Variants in CFAP99 observed in about 807,000 individuals in gnomAD.
CFAP99 encodes the protein cilia and flagella associated protein 99.
A neutral mutation model predicts 82.7 loss-of-function variants in CFAP99; 84 were observed. The observed-to-expected ratio is 1.02, with a 90% confidence interval of 0.85 to 1.22. The LOEUF is 1.22. Ranked by LOEUF, CFAP99 falls within the 50% of genes most tolerant of loss-of-function variation. CFAP99 has a pLI of 0.00. For missense variants in CFAP99, 1,059 were observed against 983.5 expected (o/e 1.08, Z -1.03); for synonymous variants, 456 against 429.5 (o/e 1.06, Z -0.76).
intron 5 of CFAP99, 92 bp from the exon 6 acceptor site, chr4:2,445,039 C>T (rs769807966): frequency 8.3e-6 from 8 of 969,212 alleles, no homozygotes; most frequent in Admixed American, 4.3e-5. Flanking sequence ...TGGACCCAAT[C>T]GCTGCGGGAG....
chr4:2,431,192 C>T (rs1468257913), intron 2 of CFAP99, among the ~76,000 whole-genome samples: 1 of 150,518 alleles, frequency 6.6e-6, no homozygotes, highest in African/African-American at 2.4e-5. Flanking sequence ...CATGGTGAAA[C>T]CCCGTTTCTA....
intron 8 of CFAP99, chr4:2,450,234 A>C: frequency 1.7e-6 from 1 of 571,692 alleles, no homozygotes; most frequent in Non-Finnish European, 3.2e-6. Context: ...GAGGAAGCTC[A>C]CGGGAAAGCA....
At chr4:2,458,095 C>T (rs1345823830) in intron 11 of CFAP99, among the ~76,000 whole-genome samples, 1 of 152,224 alleles carries the variant, frequency 6.6e-6, no homozygotes, top group Non-Finnish European at 1.5e-5. Context: ...CGGCCTGAGG[C>T]GCCCAGCCGT....
rs541467784 is a variant in CFAP99, at chr4:2,462,456, A to G, written c.1675A>G (p.Lys559Glu). Reference sequence around the variant, plus strand: ...GTCGCCCGCCAGGTGGGAGGAAAAGAAGGCCCTTGCGGCGGCCCCGGCGGC... The same window carrying G: ...GTCGCCCGCCAGGTGGGAGGAAAAGGAGGCCCTTGCGGCGGCCCCGGCGGC... The change falls in exon 15 of 15, where the codon AAG becomes GAG. Residue 559 changes from lysine (K) to glutamate (E), a missense_variant. By Grantham distance (56) the Lys-to-Glu change is moderately conservative. Coordinates refer to ENST00000635017, the Ensembl canonical transcript of CFAP99. The surrounding 1 kb of genome is among the most constrained non-coding windows in gnomAD (Gnocchi z 4.1). 5.5e-5 allele frequency: 81 copies of G among 1,461,894 alleles called. No homozygotes were observed. Among genetic ancestry groups the G allele is most frequent in the Middle Eastern group, 4.8e-4 (2 of 4,130 alleles). The allele number at this position is 1,461,894 out of a possible 1,614,324, so 90.6% of individuals were successfully genotyped here. A position where few individuals can be genotyped will look rare whatever the true frequency, so the allele number is the denominator to read the frequency against.
chr4:2,445,525 C>T (rs1734145355), intron 6 of CFAP99, among the ~76,000 whole-genome samples: 2 of 152,176 alleles, frequency 1.3e-5, no homozygotes. Flanking sequence ...TTCCCACACT[C>T]TACCCACTGT....
chr4:2,426,129 G>A (rs1320360890), intron 1 of CFAP99, among the ~76,000 whole-genome samples: 1 of 152,212 alleles, frequency 6.6e-6, no homozygotes, highest in African/African-American at 2.4e-5. Context: ...AGGCATGGCT[G>A]TGGGGCCTGA....
At chr4:2,421,058 A>G (rs1335769265) in intron 1 of CFAP99, among the ~76,000 whole-genome samples, 3 of 152,212 alleles carry the variant, frequency 2.0e-5, no homozygotes, top group East Asian at 1.9e-4. Context: ...TTGGGAGGAA[A>G]GGGGTAGTGG....
chr4:2,447,008 A>G (rs559869192), intron 6 of CFAP99, among the ~76,000 whole-genome samples: 2 of 151,980 alleles, frequency 1.3e-5, no homozygotes, highest in African/African-American at 2.4e-5. Context: ...GGGCGAATGA[A>G]TGGATGGATG....
chr4:2,459,061 GC>G (rs1560390752), intron 12 of CFAP99, 45 bp from the exon 13 acceptor site: 1 of 1,475,440 alleles, frequency 6.8e-7, no homozygotes, highest in Non-Finnish European at 9.0e-7. Context: ...TCCAGCCCCT[GC>G]CCTGCCACCC....
chr4:2,460,972 C>T (rs1332138126), intron 14 of CFAP99, among the ~76,000 whole-genome samples: 2 of 152,186 alleles, frequency 1.3e-5, no homozygotes, highest in East Asian at 1.9e-4. Context: ...CTCCTGACCT[C>T]GTGATCTGCC....
intron 11 of CFAP99, among the ~76,000 whole-genome samples, chr4:2,452,957 G>A (rs1678760828): frequency 6.6e-6 from 1 of 152,086 alleles, no homozygotes; most frequent in East Asian, 1.9e-4. Context: ...CACCTACTCG[G>A]GAGGCTGAGG....
At chr4:2,462,949 C>A (rs1401841655), downstream of CFAP99, 2 of 1,233,252 alleles carry the variant, frequency 1.6e-6, no homozygotes, top group Non-Finnish European at 2.0e-6. The surrounding 1 kb of genome is among the most constrained non-coding windows in gnomAD (Gnocchi z 4.1). Context: ...GCGCCCCACC[C>A]GCTTGCGGGC....
At chr4:2,421,349 C>CTT (rs1733579777) in intron 1 of CFAP99, among the ~76,000 whole-genome samples, 5 of 91,442 alleles carry the variant, frequency 5.5e-5, no homozygotes, top group Non-Finnish European at 1.1e-4. Context: ...GTCTGCCCAC[C>CTT]CTTTTTTTTT....
chr4:2,438,850 G>A (rs1191466942), intron 4 of CFAP99, among the ~76,000 whole-genome samples: 2 of 152,174 alleles, frequency 1.3e-5, no homozygotes, highest in East Asian at 3.8e-4. Flanking sequence ...CTTTTGTCCT[G>A]GGGAAATCCG....
At chr4:2,426,055 G>T (rs1200201681) in intron 1 of CFAP99, among the ~76,000 whole-genome samples, 1 of 152,240 alleles carries the variant, frequency 6.6e-6, no homozygotes. Flanking sequence ...GACGCTCAGA[G>T]GCTGTTTCGA....
chr4:2,432,901 C>T (rs894122851), intron 2 of CFAP99, among the ~76,000 whole-genome samples: 5 of 152,254 alleles, frequency 3.3e-5, no homozygotes, highest in East Asian at 1.9e-4. Context: ...AGAACCCACC[C>T]GGCCTAGGCC....
chr4:2,438,498 G>A (rs1322800706), intron 4 of CFAP99, among the ~76,000 whole-genome samples: 4 of 152,134 alleles, frequency 2.6e-5, no homozygotes, highest in African/African-American at 9.6e-5. Context: ...TCCTGACCTC[G>A]TGATCCGCCC....
intron 6 of CFAP99, among the ~76,000 whole-genome samples, chr4:2,447,953 A>C: frequency 6.7e-6 from 1 of 149,228 alleles, no homozygotes; most frequent in South Asian, 2.1e-4. Context: ...GGATGGATGG[A>C]TGGATGGATG....
At position 2,433,822 on chromosome 4, in the gene CFAP99, G is replaced by T. The variant is rs570256960; in HGVS notation, c.112-3052G>T. 2.7e-3 allele frequency among the ~76,000 whole-genome samples: 408 copies of T among 152,356 alleles called. 1 individual carries two copies. The highest frequency in any genetic ancestry group is 8.2e-3 in the African/African-American group (342 of 41,588). On this transcript the variant is annotated intron_variant, in intron 2 of 14. Coordinates refer to ENST00000635017, the Ensembl canonical transcript of CFAP99. ...GAGGAGTTCTCAGGCAGAGGGAAAA[G>T]CCAGTTCCCTGATGAGGAAACAGGA... is the stretch of plus-strand genomic sequence containing the variant.
Sources: gnomAD v4.1 joint callset for allele counts (sites outside exome capture counted in the v4.1 genomes callset) on GRCh38, gnomAD v4.1.1 for gene constraint, Gnocchi (gnomAD v3.1) non-coding constraint, MANE v1.5 for transcripts, NCBI Gene and HGNC (gene_info 2026-07-23, HGNC 2026-07-21) for gene names.